The following ADGRB1 variants were observed in gnomAD, a reference collection of about 807,000 sequenced individuals.
ADGRB1 encodes the protein adhesion G protein-coupled receptor B1.
In ADGRB1, 36 loss-of-function variants were observed where a neutral mutation model predicts 175.7. That is an observed-to-expected ratio of 0.20 (90% CI 0.16 to 0.27). The LOEUF (loss-of-function observed/expected upper bound fraction) is 0.27, where lower values mean the gene tolerates loss of function less well. Ranked by LOEUF, ADGRB1 falls within the 10% of genes least tolerant of loss-of-function variation. The probability of loss-of-function intolerance (pLI) is 1.00; values close to 1 mark genes in which losing one functional copy is unlikely to be tolerated. For missense variants in ADGRB1, 1,731 were observed against 2,255.3 expected, an observed-to-expected ratio of 0.77 and a Z score of 4.71; for synonymous variants, 1,054 against 979.4, an observed-to-expected ratio of 1.08 and a Z score of -1.42.
rs1842759658 is a variant in ADGRB1, at chr8:142,504,404, A to AGGCAGGGCCACCAGG, written c.2676-6521_2676-6507dup. On this transcript the variant is annotated intron_variant, in intron 17 of 30. Coordinates refer to ENST00000517894, the MANE Select transcript of ADGRB1 (RefSeq NM_001702.3). This position sits in a 1 kb window ranked among gnomAD's most constrained non-coding sequence, Gnocchi z 5.6. Reference sequence around the variant, plus strand: ...GGTTACCTGCTGGGCTGGCCTGTGCAGGCAGGGCCACCAGGGGCAGGCCCA... The same window carrying AGGCAGGGCCACCAGG: ...GGTTACCTGCTGGGCTGGCCTGTGCAGGCAGGGCCACCAGGGGCAGGGCCACCAGGGGCAGGCCCA... Among the ~76,000 whole-genome samples the AGGCAGGGCCACCAGG allele has an allele frequency of 6.6e-6, 1 of 152,146 alleles. No individual in the cohort carries two copies. Among genetic ancestry groups the AGGCAGGGCCACCAGG allele is most frequent in the African/African-American group, 2.4e-5 (1 of 41,446 alleles).
chr8:142,458,334 C>T (rs1483605488), intron 1 of ADGRB1, among the ~76,000 whole-genome samples: 2 of 152,138 alleles, frequency 1.3e-5, no homozygotes, highest in Non-Finnish European at 2.9e-5. Flanking sequence ...GGGTGGGGTG[C>T]GTGTGTGCAG....
At chr8:142,520,779 G>A (rs1421714324) in intron 19 of ADGRB1, 44 bp from the exon 20 acceptor site, 18 of 1,543,946 alleles carry the variant, frequency 1.2e-5, no homozygotes, top group Non-Finnish European at 1.6e-5. Flanking sequence ...TGTGCAGATG[G>A]GGTTCTGTTG....
chr8:142,479,195 C>A (rs1042240980), intron 7 of ADGRB1, 128 bp from the exon 8 acceptor site: 67 of 1,091,634 alleles, frequency 6.1e-5, no homozygotes, highest in Non-Finnish European at 7.8e-5. Context: ...GCCCCACATT[C>A]CTGGGTCCCT....
rs765690976 is a variant in ADGRB1, at chr8:142,522,125, G to A, written c.3175+10G>A. 1.0e-5 allele frequency: 16 copies of A among 1,605,976 alleles called. No homozygotes were observed. In the East Asian group the frequency reaches 1.1e-4, roughly 11 times the overall value. On this transcript the variant is annotated intron_variant, in intron 21 of 30. Coordinates refer to ENST00000517894, the MANE Select transcript of ADGRB1 (RefSeq NM_001702.3). ...CTCTGCCTGGGCTGGGGTGAGCCGCGGCCTTCCCGACCCTCCTGGACAGAT... is the reference window on the plus strand; with the variant it reads ...CTCTGCCTGGGCTGGGGTGAGCCGCAGCCTTCCCGACCCTCCTGGACAGAT...
intron 17 of ADGRB1, 84 bp downstream of exon 17, chr8:142,490,899 T>C (rs1841949159): frequency 2.7e-6 from 4 of 1,490,306 alleles, no homozygotes; most frequent in African/African-American, 1.4e-5. Flanking sequence ...GGTGCAGGTT[T>C]CAGGTCTTGT....
intron 19 of ADGRB1, among the ~76,000 whole-genome samples, chr8:142,519,129 C>T (rs543414354): frequency 9.9e-4 from 151 of 152,294 alleles, no homozygotes; most frequent in African/African-American, 3.5e-3. Flanking sequence ...GTTTCCTCTT[C>T]CCGGGACCTG....
chr8:142,532,217 T>C (rs13270077), intron 24 of ADGRB1, among the ~76,000 whole-genome samples: 51,961 of 152,106 alleles, frequency 0.34, 9,238 homozygotes, highest in East Asian at 0.65. Flanking sequence ...CTGTGGGGCC[T>C]CCTGCGGGCA....
chr8:142,536,918 C>T, intron 25 of ADGRB1, 69 bp from the exon 26 acceptor site: 5 of 1,359,228 alleles, frequency 3.7e-6, no homozygotes, highest in Non-Finnish European at 3.0e-6. Context: ...AGGTGCTGCT[C>T]ATCTGATCTG....
intron 2 of ADGRB1, 59 bp from the exon 3 acceptor site, chr8:142,475,415 C>A: frequency 8.0e-7 from 1 of 1,245,856 alleles, no homozygotes. Flanking sequence ...CCATGACTTA[C>A]CCGTCCAGGC....
At chr8:142,460,140 C>T (rs866793611) in intron 1 of ADGRB1, among the ~76,000 whole-genome samples, 7 of 152,388 alleles carry the variant, frequency 4.6e-5, no homozygotes, top group Middle Eastern at 3.4e-3. Context: ...GCTCTCTGCC[C>T]GCCTGGGCCT....
chr8:142,511,157 C>T lies in ADGRB1; in HGVS notation c.2817+84C>T. On this transcript the variant is annotated intron_variant, in intron 18 of 30. Coordinates refer to ENST00000517894, the MANE Select transcript of ADGRB1 (RefSeq NM_001702.3). The surrounding 1 kb of genome is among the most constrained non-coding windows in gnomAD (Gnocchi z 4.5). The stretch of plus-strand genomic sequence containing the variant: ...CCGGCGGGCCTGCGGGTGGGGAGGG[C>T]CCGCACCCGTCCTGTCCCGGAGGGG... 1.0e-6 allele frequency: 1 copy of T among 979,486 alleles called. No homozygotes were observed. Among genetic ancestry groups the T allele is most frequent in the South Asian group, 4.6e-5 (1 of 21,578 alleles). 60.7% of individuals were successfully genotyped at this position (979,486 alleles called of 1,614,324 possible).
At chr8:142,467,183 G>A (rs1048318304) in intron 2 of ADGRB1, among the ~76,000 whole-genome samples, 1 of 152,244 alleles carries the variant, frequency 6.6e-6, no homozygotes, top group Admixed American at 6.5e-5. Flanking sequence ...GTGTAAGGTG[G>A]TCGGGCCTCC....
intron 2 of ADGRB1, among the ~76,000 whole-genome samples, chr8:142,471,424 G>A (rs1425310983): frequency 1.3e-5 from 2 of 152,222 alleles, no homozygotes; most frequent in African/African-American, 2.4e-5. Flanking sequence ...CCGGGCGGTG[G>A]GCAGAGACTT....
At chr8:142,515,485 G>C (rs552381111) in intron 18 of ADGRB1, among the ~76,000 whole-genome samples, 3 of 152,088 alleles carry the variant, frequency 2.0e-5, no homozygotes, top group Non-Finnish European at 2.9e-5. Flanking sequence ...CAGGCCTAAC[G>C]AGGGCAGGCG....
chr8:142,521,094 G>GC (rs961656614), intron 20 of ADGRB1, among the ~76,000 whole-genome samples, 169 bp downstream of exon 20: 29 of 152,290 alleles, frequency 1.9e-4, no homozygotes, highest in African/African-American at 6.5e-4. Context: ...TGCTGTGGCT[G>GC]CAGGAGCCTG....
rs1348996869 is a variant in ADGRB1, at chr8:142,455,877, T to G, written c.-220+5773T>G. On this transcript the variant is annotated intron_variant, in intron 1 of 30. Coordinates refer to ENST00000517894, the MANE Select transcript of ADGRB1 (RefSeq NM_001702.3). This position sits in a 1 kb window ranked among gnomAD's most constrained non-coding sequence, Gnocchi z 4.9. ...CGGTTGGTCTTTGGGCCAGCACCTCTCTGAGGCTAAGTTGGCATCTCTGTG... is the reference window on the plus strand; with the variant it reads ...CGGTTGGTCTTTGGGCCAGCACCTCGCTGAGGCTAAGTTGGCATCTCTGTG... Among the ~76,000 whole-genome samples, 1 of 152,132 alleles carries G rather than the reference T, an allele frequency of 6.6e-6. No homozygotes were observed. The highest frequency in any genetic ancestry group is 1.5e-5 in the Non-Finnish European group (1 of 68,016).
rs1464052624 is a variant in ADGRB1 at position 142,510,913 on chromosome 8, G to A, written c.2676-19G>A. On this transcript the variant is annotated intron_variant, in intron 17 of 30. Transcript: ENST00000517894. The surrounding 1 kb of genome is among the most constrained non-coding windows in gnomAD (Gnocchi z 6.3). ...CTGACGCTCCGCCTGTCTCCCTCCC[G>A]TGTCCCGCCCGCCCCCAGACCCTCC... 4.5e-6 allele frequency: 3 copies of A among 661,490 alleles called. No individual in the cohort carries two copies. The highest frequency in any genetic ancestry group is 1.0e-4 in the East Asian group (1 of 9,528). 41.0% of individuals were successfully genotyped at this position (661,490 alleles called of 1,614,324 possible).
rs1254184140 is a variant in ADGRB1, at chr8:142,533,603, C to T, written c.3570+137C>T. ...CCATGACCCTGACACATCTGCAGGCCTCGGTGGTCCACAGAGCGGGGCCTG... is the reference window on the plus strand; with the variant it reads ...CCATGACCCTGACACATCTGCAGGCTTCGGTGGTCCACAGAGCGGGGCCTG... On this transcript the variant is annotated intron_variant, in intron 25 of 30. Transcript: ENST00000517894. 1.0e-5 allele frequency: 11 copies of T among 1,050,306 alleles called. No homozygotes were observed. The South Asian group carries it at 2.1e-4, about 20-fold the overall frequency. 65.1% of individuals were successfully genotyped at this position (1,050,306 alleles called of 1,614,324 possible).
At chr8:142,482,813 T>C (rs569504383) in intron 11 of ADGRB1, among the ~76,000 whole-genome samples, 3 of 150,906 alleles carry the variant, frequency 2.0e-5, no homozygotes, top group African/African-American at 7.3e-5. Flanking sequence ...CGCTGAGCCC[T>C]GACCCTGGTC....
Sources: allele counts gnomAD v4.1 joint callset (sites outside exome capture counted in the v4.1 genomes callset), GRCh38; gene constraint gnomAD v4.1.1; non-coding constraint Gnocchi (gnomAD v3.1); transcripts MANE v1.5; gene names NCBI Gene and HGNC (gene_info 2026-07-23, HGNC 2026-07-21).